Variants in YTHDC2 observed in about 807,000 individuals in gnomAD.
The protein encoded by YTHDC2 is 3'-5' RNA helicase YTHDC2.
YTHDC2 carries 45 observed loss-of-function variants against 174.9 expected under a neutral mutation model. The ratio of observed to expected loss-of-function variants is 0.26; its 90% CI spans 0.20 to 0.33. YTHDC2 has a LOEUF of 0.33. Ranked by LOEUF, YTHDC2 falls within the 10% of genes least tolerant of loss-of-function variation. The probability of loss-of-function intolerance (pLI) is 1.00; values close to 1 mark genes in which losing one functional copy is unlikely to be tolerated. For missense variants in YTHDC2, 1,650 were observed against 1,723.7 expected (o/e 0.96, Z 0.76); for synonymous variants, 657 against 574.5 (o/e 1.14, Z -2.05).
chr5:113,570,905 G>A (rs1234990406), intron 23 of YTHDC2, among the ~76,000 whole-genome samples: 1 of 152,012 alleles, frequency 6.6e-6, no homozygotes, highest in African/African-American at 2.4e-5. Context: ...CTACCACCTC[G>A]GCCTCCCAAT....
intron 10 of YTHDC2, among the ~76,000 whole-genome samples, chr5:113,544,592 A>G (rs188699772): frequency 6.6e-6 from 1 of 152,316 alleles, no homozygotes; most frequent in Admixed American, 6.5e-5. Context: ...AAATCTAACT[A>G]CATAGCATCT....
In YTHDC2 at chr5:113,567,722, A is replaced by C; in HGVS notation, c.3117A>C (p.Glu1039Asp). ...ALPTDWLIYD[E>D]MTRAHRIANI... ...CCACAGATTGGCTTATTTATGATGAAATGACCAGAGCCCATAGAATAGCTA... is the reference window on the plus strand; with the variant it reads ...CCACAGATTGGCTTATTTATGATGACATGACCAGAGCCCATAGAATAGCTA... Residue 1039 changes from glutamate (E) to aspartate (D), a missense_variant, in exon 23 of 30, where the codon GAA (glutamate) becomes GAC (aspartate). Transcript: ENST00000161863. 1 of 1,610,988 alleles carries C rather than the reference A, an allele frequency of 6.2e-7. No individual in the cohort carries two copies. Among genetic ancestry groups the C allele is most frequent in the Non-Finnish European group, 8.5e-7 (1 of 1,178,668 alleles).
intron 28 of YTHDC2, 102 bp downstream of exon 28, chr5:113,592,280 T>G: frequency 8.4e-7 from 1 of 1,187,318 alleles, no homozygotes; most frequent in Non-Finnish European, 1.1e-6. Context: ...AAATTTTATA[T>G]TCCATATGCA....
rs1774773451 is a variant in YTHDC2 at position 113,532,867 on chromosome 5, CT to C, written c.676-8del. On this transcript the variant is annotated splice_polypyrimidine_tract_variant and intron_variant, in intron 4 of 29. Transcript: ENST00000161863. ...TCATGTCATCTTACAGTTTTTAAAA[CT>C]TTTGTTTCAGATTCCTCAGTTCCTT... 1 of 1,594,420 alleles carries C rather than the reference CT, an allele frequency of 6.3e-7. No individual in the cohort carries two copies. Among genetic ancestry groups the C allele is most frequent in the African/African-American group, 1.3e-5 (1 of 74,166 alleles).
At chr5:113,563,756 A>G in intron 19 of YTHDC2, 103 bp from the exon 20 acceptor site, 4 of 1,364,092 alleles carry the variant, frequency 2.9e-6, no homozygotes, top group East Asian at 2.4e-5. Context: ...TGTAGTAGCA[A>G]AAGAAAATCT....
Position 113,592,190 on chromosome 5 carries a change from C to CG in YTHDC2, c.4212+12_4212+13insG. 2 of 1,479,782 alleles carry CG rather than the reference C, an allele frequency of 1.4e-6. No individual in the cohort carries two copies. The highest frequency in any genetic ancestry group is 1.8e-6 in the Non-Finnish European group (2 of 1,119,886). 91.7% of individuals were successfully genotyped at this position (1,479,782 alleles called of 1,614,324 possible). A position where few individuals can be genotyped will look rare whatever the true frequency, so the allele number is the denominator to read the frequency against. ...GCAGGGATGGGCAGGTATACAATGG[C>CG]ATTTTTTTTTTTATTTACTTTTGTT... is the stretch of plus-strand genomic sequence containing the variant. On this transcript the variant is annotated intron_variant, in intron 28 of 29. Transcript: ENST00000161863.
At chr5:113,518,907 A>G (rs1773670337) in intron 2 of YTHDC2, among the ~76,000 whole-genome samples, 1 of 152,056 alleles carries the variant, frequency 6.6e-6, no homozygotes, top group Non-Finnish European at 1.5e-5. Flanking sequence ...TTAGAGACAG[A>G]GTCTTCCTCT....
At chr5:113,566,289 G>A (rs1777322197) in intron 21 of YTHDC2, among the ~76,000 whole-genome samples, 1 of 152,072 alleles carries the variant, frequency 6.6e-6, no homozygotes, top group African/African-American at 2.4e-5. Context: ...ATTTGTATTG[G>A]TTGGCAGAGA....
intron 18 of YTHDC2, among the ~76,000 whole-genome samples, chr5:113,561,952 T>TTGTGGG (rs899221142): frequency 5.9e-5 from 6 of 102,534 alleles, no homozygotes; most frequent in African/African-American, 1.3e-4. Flanking sequence ...CCTCTATTAA[T>TTGTGGG]TGTGGGTGTG....
In YTHDC2 at chr5:113,593,506, A is replaced by G; in HGVS notation, c.*32A>G. The G allele has an allele frequency of 2.6e-6, 2 of 783,280 alleles. No homozygotes were observed. The highest frequency in any genetic ancestry group is 5.5e-5 in the East Asian group (2 of 36,380). The allele number at this position is 783,280 out of a possible 1,614,324, so 48.5% of individuals were successfully genotyped here. ...GAACTCTTAGCTGTGGAAGAACATC[A>G]TGCCTATTTATAACCACTGAATGCA... On this transcript the variant is annotated 3_prime_UTR_variant, in exon 30 of 30. Coordinates refer to ENST00000161863, the MANE Select transcript of YTHDC2 (RefSeq NM_022828.5).
At chr5:113,540,485 T>G (rs949326536) in intron 8 of YTHDC2, among the ~76,000 whole-genome samples, 1 of 152,168 alleles carries the variant, frequency 6.6e-6, no homozygotes, top group Non-Finnish European at 1.5e-5. Flanking sequence ...CTCACAGTTC[T>G]GCATGGCTGG....
At chr5:113,581,762 ATTAT>A (rs1778416885) in intron 25 of YTHDC2, 53 bp downstream of exon 25, 3 of 1,353,074 alleles carry the variant, frequency 2.2e-6, no homozygotes, top group South Asian at 1.8e-5. Context: ...AGGAAAATGA[ATTAT>A]TTATCTTAGA....
At position 113,593,412 on chromosome 5, in the gene YTHDC2, G is replaced by C. The variant is rs777263041; in HGVS notation, c.*7+22G>C. ...TCAGGTTATACCATCTTGACTTTGA[G>C]TATTGGCAGTATTTGTGATCATTAG... is the stretch of plus-strand genomic sequence containing the variant. On this transcript the variant is annotated intron_variant, in intron 29 of 29. Coordinates refer to ENST00000161863, the MANE Select transcript of YTHDC2 (RefSeq NM_022828.5). 2.6e-6 allele frequency: 4 copies of C among 1,542,360 alleles called. No homozygotes were observed. In the South Asian group the frequency reaches 3.4e-5, roughly 13 times the overall value.
At chr5:113,582,116 C>G (rs1301887358) in intron 25 of YTHDC2, 1 of 153,288 alleles carries the variant, frequency 6.5e-6, no homozygotes, top group Non-Finnish European at 1.5e-5. Context: ...CCTTATAAGC[C>G]TTATCTAGAT....
At chr5:113,579,862 T>C (rs1320718421) in intron 24 of YTHDC2, 167 bp downstream of exon 24, 7 of 985,244 alleles carry the variant, frequency 7.1e-6, no homozygotes, top group Admixed American at 6.2e-5. Flanking sequence ...TGTATTGGGG[T>C]TTATTCCAAC....
rs970899260 is a variant in YTHDC2, at chr5:113,542,291, T to C, written c.1360-77T>C. The C allele has an allele frequency of 2.1e-5, 31 of 1,447,230 alleles. No individual in the cohort carries two copies. In the South Asian group the frequency reaches 2.4e-4, roughly 11 times the overall value. The allele number at this position is 1,447,230 out of a possible 1,614,324, so 89.6% of individuals were successfully genotyped here. A position where few individuals can be genotyped will look rare whatever the true frequency, so the allele number is the denominator to read the frequency against. On this transcript the variant is annotated intron_variant, in intron 9 of 29. Transcript: ENST00000161863. ...ATAGGATTAGTAGTCCTGATGGCCA[T>C]TGTGGCCATCTTATGTTCTTTGCAA...
At chr5:113,578,667 T>TGTA (rs1778215177) in intron 23 of YTHDC2, among the ~76,000 whole-genome samples, 1 of 152,156 alleles carries the variant, frequency 6.6e-6, no homozygotes, top group African/African-American at 2.4e-5. Context: ...TATTCCGGTA[T>TGTA]GTAGGTTTTA....
At chr5:113,554,576 T>TA (rs113829430) in intron 16 of YTHDC2, among the ~76,000 whole-genome samples, 46,877 of 151,146 alleles carry the variant, frequency 0.31, 9,378 homozygotes, top group African/African-American at 0.56. Flanking sequence ...CTTGCTTTTG[T>TA]AAAAAAAAAG....
intron 23 of YTHDC2, among the ~76,000 whole-genome samples, chr5:113,571,603 G>A (rs568464744): frequency 6.6e-6 from 1 of 152,020 alleles, no homozygotes; most frequent in Non-Finnish European, 1.5e-5. Context: ...AATCCATCTG[G>A]TTGGGCTTTT....
Sources: allele counts gnomAD v4.1 joint callset (sites outside exome capture counted in the v4.1 genomes callset), GRCh38; gene constraint gnomAD v4.1.1; transcripts MANE v1.5; gene names NCBI Gene and HGNC (gene_info 2026-07-23, HGNC 2026-07-21).